Variants in RPS6KL1 observed in about 807,000 individuals in gnomAD.
RPS6KL1 encodes the protein ribosomal protein S6 kinase like 1.
A neutral mutation model predicts 57.0 loss-of-function variants in RPS6KL1; 41 were observed. The ratio of observed to expected loss-of-function variants is 0.72; its 90% CI spans 0.56 to 0.93. The LOEUF (loss-of-function observed/expected upper bound fraction) is 0.93. RPS6KL1 is among the 40% of genes least tolerant of loss of function. The pLI is 0.00. For missense variants in RPS6KL1, 697 were observed against 727.7 expected, an observed-to-expected ratio of 0.96 and a Z score of 0.49; for synonymous variants, 287 against 309.7, an observed-to-expected ratio of 0.93 and a Z score of 0.77.
In RPS6KL1 at chr14:74,909,091, CCCTTCTT is replaced by C. The variant is rs767871027; in HGVS notation, c.1360+3_1360+9del. On this transcript the variant is annotated splice_donor_5th_base_variant and intron_variant, in intron 9 of 11. Transcript: ENST00000557413. The stretch of plus-strand genomic sequence containing the variant: ...GTGCTAAGGCCCACCCTGGCCTCCC[CCCTTCTT>C]GCCTGGGGCGCTGTAGAGATTGTCC... The C allele has an allele frequency of 3.7e-6, 6 of 1,613,770 alleles. No individual in the cohort carries two copies. The East Asian group carries it at 1.3e-4, about 36-fold the overall frequency.
In RPS6KL1 at chr14:74,907,525, CAG is replaced by C. The variant is rs1192944214; in HGVS notation, c.1447_1448del (p.Leu483ValfsTer30). 12 of 1,574,556 alleles carry C rather than the reference CAG, an allele frequency of 7.6e-6. No homozygotes were observed. Among genetic ancestry groups the C allele is most frequent in the Admixed American group, 5.6e-5 (3 of 53,962 alleles). On this transcript the variant is annotated frameshift_variant, in exon 11 of 12. Transcript: ENST00000557413. LOFTEE classifies it high-confidence loss of function. ...LLYELLTGMALSQSHPSGIQA... is the reference protein window; with the variant it reads ...LLYELLTGMAXSQSHPSGIQA... ...GGATTCCTGAAGGGTGGCTCTGGGA[CAG>C]TGCCTGGGAGGACACAGGGAAGGGC... is the stretch of plus-strand genomic sequence containing the variant.
In RPS6KL1 at chr14:74,910,008, G is replaced by A. The variant is rs369954591; in HGVS notation, c.805C>T (p.His269Tyr). The change falls in exon 8 of 12, where the codon CAT (histidine) becomes TAT (tyrosine). Residue 269 changes from histidine (H) to tyrosine (Y), a missense_variant. By Grantham distance (83) the His-to-Tyr change is moderately conservative (BLOSUM62 2). Coordinates refer to ENST00000557413, the MANE Select transcript of RPS6KL1 (RefSeq NM_031464.5). ...LLTPARLPSG[H>Y]APGQDRIALE... ...GCGATTCTGTCCTGGCCAGGGGCAT[G>A]GCCTGAGGGAAGCCTCGCTGGGGTC... The A allele has an allele frequency of 6.2e-7, 1 of 1,614,044 alleles. No homozygotes were observed. The highest frequency in any genetic ancestry group is 2.2e-5 in the East Asian group (1 of 44,874).
chr14:74,913,944 G>A (rs1886442161), intron 5 of RPS6KL1, among the ~76,000 whole-genome samples: 1 of 152,240 alleles, frequency 6.6e-6, no homozygotes, highest in Non-Finnish European at 1.5e-5. Context: ...GAGAGGTTAT[G>A]TTGCCTACTG....
rs771382339 is a variant in RPS6KL1, at chr14:74,907,486, CTGGGTG to C, written c.1482_1487del (p.His494_Thr495del). On this transcript the variant is annotated inframe_deletion, in exon 11 of 12. Transcript: ENST00000557413. ...GACTGAGCCACTCGGGCAGCTGGAG[CTGGGTG>C]TGGGCCTGGATTCCTGAAGGGTGGC... 6.3e-7 allele frequency: 1 copy of C among 1,588,292 alleles called. No individual in the cohort carries two copies.
chr14:74,906,662 C>A lies in RPS6KL1; in HGVS notation c.*352G>T, dbSNP rs781062412. On this transcript the variant is annotated 3_prime_UTR_variant, in exon 12 of 12. Coordinates refer to ENST00000557413, the MANE Select transcript of RPS6KL1 (RefSeq NM_031464.5). ...CATGGCAGTGAGTGAGTCACAGAAC[C>A]TCACAGTAGGGTGCAGCAGGTGGTC... 9.4e-6 allele frequency: 5 copies of A among 533,970 alleles called. No homozygotes were observed. The highest frequency in any genetic ancestry group is 1.5e-5 in the Non-Finnish European group (4 of 263,660). The allele number at this position is 533,970 out of a possible 1,614,324, so 33.1% of individuals were successfully genotyped here.
chr14:74,906,134 C>T lies in RPS6KL1; in HGVS notation c.*880G>A. 9.8e-6 allele frequency: 2 copies of T among 203,198 alleles called. No individual in the cohort carries two copies. The highest frequency in any genetic ancestry group is 1.7e-4 in the South Asian group (2 of 11,694). 12.6% of individuals were successfully genotyped at this position (203,198 alleles called of 1,614,324 possible). On this transcript the variant is annotated 3_prime_UTR_variant, in exon 12 of 12. Transcript: ENST00000557413. ...AGTAGGCAGTGACATGGTAAACAGC[C>T]AGGGCCTGAGAGGGAGTCCTGATGG...
Position 74,906,901 on chromosome 14 carries a change from T to G in RPS6KL1, c.*113A>C, listed in dbSNP as rs1327345927. 3.5e-6 allele frequency: 3 copies of G among 861,724 alleles called. No individual in the cohort carries two copies. The highest frequency in any genetic ancestry group is 4.0e-6 in the Non-Finnish European group (2 of 499,316). 53.4% of individuals were successfully genotyped at this position (861,724 alleles called of 1,614,324 possible). On this transcript the variant is annotated 3_prime_UTR_variant, in exon 12 of 12. Transcript: ENST00000557413. ...GAGCCCAGCAGGACAGACAGTGCCC[T>G]CCATTCCTCGCCCAAAGCCCGCTGA...
chr14:74,917,929 TGGGAAGC>T (rs1372317455), intron 5 of RPS6KL1, among the ~76,000 whole-genome samples: 1 of 151,730 alleles, frequency 6.6e-6, no homozygotes, highest in African/African-American at 2.4e-5. Context: ...GGGGGTGCTG[TGGGAAGC>T]GGGAAGTGGG....
intron 5 of RPS6KL1, among the ~76,000 whole-genome samples, chr14:74,917,697 T>A (rs1280707110): frequency 6.6e-6 from 1 of 151,966 alleles, no homozygotes; most frequent in Non-Finnish European, 1.5e-5. Flanking sequence ...CTGCCCTGAA[T>A]AAGGCAAAGC....
chr14:74,921,735 T>C, intron 2 of RPS6KL1, 174 bp from the exon 3 acceptor site: 1 of 1,422,848 alleles, frequency 7.0e-7, no homozygotes, highest in Non-Finnish European at 9.2e-7. Context: ...TAAGTGGTGG[T>C]AATGATAGAA....
rs1887529009 is a variant in RPS6KL1, at chr14:74,919,871, G to A, written c.364C>T (p.Leu122=). 6.2e-7 allele frequency: 1 copy of A among 1,613,524 alleles called. No homozygotes were observed. The highest frequency in any genetic ancestry group is 8.5e-7 in the Non-Finnish European group (1 of 1,179,926). Reference sequence around the variant, plus strand: ...GCGCTGGGGCTGGCTCCACTGCTCAGCGGCCGCTGCAGGTGGCAGTTGAAG... The same window carrying A: ...GCGCTGGGGCTGGCTCCACTGCTCAACGGCCGCTGCAGGTGGCAGTTGAAG... The part of the protein sequence containing the change: ...EIFNCHLQRP[L]SSGASPSAGF... Residue 122 remains leucine, a synonymous_variant, in exon 4 of 12, where the codon CTG becomes TTG. Coordinates refer to ENST00000557413, the MANE Select transcript of RPS6KL1 (RefSeq NM_031464.5).
At chr14:74,920,507 A>C (rs1044573044) in intron 3 of RPS6KL1, among the ~76,000 whole-genome samples, 4 of 152,138 alleles carry the variant, frequency 2.6e-5, no homozygotes, top group African/African-American at 9.7e-5. Context: ...CAGGCGTCTC[A>C]AAATGGCCTC....
At chr14:74,909,377 C>T in intron 8 of RPS6KL1, 166 bp downstream of exon 8, 3 of 1,039,930 alleles carry the variant, frequency 2.9e-6, no homozygotes, top group Non-Finnish European at 4.2e-6. Flanking sequence ...CCACAGGGTA[C>T]TCCCAGGAGC....
Position 74,911,373 on chromosome 14 carries a change from G to A in RPS6KL1, c.539C>T (p.Pro180Leu). The stretch of plus-strand genomic sequence containing the variant: ...CTCCCTGCTCACCATGTGGCACCTG[G>A]GTAGGCTCTGGGAGCAGCAGGGCAG... ...TGGTFVVKSLPRCHMVSRERL... is the reference protein window; with the variant it reads ...TGGTFVVKSLLRCHMVSRERL... Residue 180 changes from proline to leucine, a missense_variant, in exon 7 of 12, where the codon CCC (proline) becomes CTC (leucine). Physicochemically the swap from Pro to Leu is moderately conservative, Grantham distance 98. Coordinates refer to ENST00000557413, the MANE Select transcript of RPS6KL1 (RefSeq NM_031464.5). 1.9e-6 allele frequency: 3 copies of A among 1,605,770 alleles called. No individual in the cohort carries two copies. The highest frequency in any genetic ancestry group is 2.5e-6 in the Non-Finnish European group (3 of 1,178,528).
At position 74,909,841 on chromosome 14, in the gene RPS6KL1, G is replaced by T. The variant is rs1339479121; in HGVS notation, c.972C>A (p.Gly324=). The change falls in exon 8 of 12, where the codon GGC becomes GGA. Residue 324 remains glycine, a synonymous_variant. Transcript: ENST00000557413. ...CCCTCCTAGCTTGAAGGTGCAGGTG[G>T]CCACCTGGGGCCTTTGGAAGGTCCG... ...GSSDLPKAPG[G]HLHLQARRAG... 1 of 1,611,430 alleles carries T rather than the reference G, an allele frequency of 6.2e-7. No individual in the cohort carries two copies. The highest frequency in any genetic ancestry group is 2.2e-5 in the East Asian group (1 of 44,850).
chr14:74,906,436 G>T lies in RPS6KL1; in HGVS notation c.*578C>A. On this transcript the variant is annotated 3_prime_UTR_variant, in exon 12 of 12. Transcript: ENST00000557413. ...GGGGGGTGGGGGTGGGGGTCATCCT[G>T]TCCCCTACCTCATCCCTCCCTGCAC... 5.2e-6 allele frequency: 2 copies of T among 386,386 alleles called. No homozygotes were observed. Among genetic ancestry groups the T allele is most frequent in the Admixed American group, 2.6e-5 (1 of 37,994 alleles). The allele number at this position is 386,386 out of a possible 1,614,324, so 23.9% of individuals were successfully genotyped here.
Position 74,910,006 on chromosome 14 carries a change from A to G in RPS6KL1, c.807T>C (p.His269=). ...LLTPARLPSG[H]APGQDRIALE... ...GGGCGATTCTGTCCTGGCCAGGGGC[A>G]TGGCCTGAGGGAAGCCTCGCTGGGG... Residue 269 remains histidine, a synonymous_variant, in exon 8 of 12, where the codon CAT becomes CAC. Transcript: ENST00000557413. The G allele has an allele frequency of 6.2e-7, 1 of 1,613,998 alleles. No homozygotes were observed. The highest frequency in any genetic ancestry group is 8.5e-7 in the Non-Finnish European group (1 of 1,179,946).
chr14:74,910,367 T>TTTA, intron 7 of RPS6KL1: 1 of 431,156 alleles, frequency 2.3e-6, no homozygotes, highest in Non-Finnish European at 4.0e-6. Flanking sequence ...GGCCCAGCCT[T>TTTA]ACAAACTGGC....
At position 74,908,857 on chromosome 14, in the gene RPS6KL1, G is replaced by A. The variant is rs201985029; in HGVS notation, c.1436C>T (p.Thr479Met). The change falls in exon 10 of 12, where the codon ACG becomes ATG. Residue 479 changes from threonine to methionine, a missense_variant. Transcript: ENST00000557413. ...SFGSLLYELLTGMALSQSHPS... is the reference protein window; with the variant it reads ...SFGSLLYELLMGMALSQSHPS... ...CCCAGCCCAGCCACTCACCATTCCC[G>A]TCAGCAGTTCATACAGTAGAGACCC... 4.1e-4 allele frequency: 665 copies of A among 1,614,028 alleles called. 3 individuals carry two copies. The South Asian group carries it at 6.0e-3, about 15-fold the overall frequency.
Sources: gnomAD v4.1 joint callset for allele counts (sites outside exome capture counted in the v4.1 genomes callset) on GRCh38, gnomAD v4.1.1 for gene constraint, MANE v1.5 for transcripts, NCBI Gene and HGNC (gene_info 2026-07-23, HGNC 2026-07-21) for gene names.